The following GMCL1 variants were observed in gnomAD, a reference collection of about 807,000 sequenced individuals.
GMCL1 encodes germ cell-less 1, spermatogenesis associated.
GMCL1 carries 54 observed loss-of-function variants against 75.5 expected under a neutral mutation model. The ratio of observed to expected loss-of-function variants is 0.71; its 90% CI spans 0.57 to 0.90. GMCL1 has a LOEUF of 0.90. Among genes scored for constraint, GMCL1 ranks in the 40% least tolerant of loss-of-function variants. The pLI is 0.00. For missense variants in GMCL1, 537 were observed against 622.7 expected, an observed-to-expected ratio of 0.86 and a Z score of 1.47; for synonymous variants, 210 against 209.6, an observed-to-expected ratio of 1.00 and a Z score of -0.02.
chr2:69,857,269 G>A (rs1675499940), intron 9 of GMCL1, among the ~76,000 whole-genome samples: 1 of 152,082 alleles, frequency 6.6e-6, no homozygotes, highest in Non-Finnish European at 1.5e-5. Flanking sequence ...TCAACTCTGT[G>A]TCCTTCACTT....
intron 2 of GMCL1, among the ~76,000 whole-genome samples, 184 bp downstream of exon 2, chr2:69,837,854 A>C (rs1441318515): frequency 1.3e-5 from 2 of 152,156 alleles, no homozygotes; most frequent in Admixed American, 6.5e-5. Flanking sequence ...CTAGAAAGAG[A>C]TTTTGATATT....
At chr2:69,861,577 A>C (rs1675648801) in intron 10 of GMCL1, among the ~76,000 whole-genome samples, 1 of 152,224 alleles carries the variant, frequency 6.6e-6, no homozygotes, top group African/African-American at 2.4e-5. Flanking sequence ...CTTTATTAGT[A>C]AAATTGAACA....
At chr2:69,848,028 G>T (rs187524827) in intron 7 of GMCL1, among the ~76,000 whole-genome samples, 5 of 152,098 alleles carry the variant, frequency 3.3e-5, no homozygotes, top group African/African-American at 1.2e-4. Context: ...AGGCCTGTTT[G>T]TGTGTCTGGC....
intron 9 of GMCL1, among the ~76,000 whole-genome samples, chr2:69,857,774 T>A (rs1436170075): frequency 6.6e-6 from 1 of 152,204 alleles, no homozygotes; most frequent in Non-Finnish European, 1.5e-5. Flanking sequence ...AATTTATGTG[T>A]TTCATAAGTT....
intron 4 of GMCL1, among the ~76,000 whole-genome samples, chr2:69,841,581 A>G (rs1480608991): frequency 6.6e-6 from 1 of 152,220 alleles, no homozygotes; most frequent in Non-Finnish European, 1.5e-5. Context: ...CTTACTTTCA[A>G]AAAGTTCACA....
At chr2:69,839,779 T>A (rs903241924) in intron 3 of GMCL1, among the ~76,000 whole-genome samples, 3 of 152,114 alleles carry the variant, frequency 2.0e-5, no homozygotes, top group Non-Finnish European at 2.9e-5. Context: ...CTTATCTTTG[T>A]AAATATGCCC....
chr2:69,830,011 G>C lies in GMCL1; in HGVS notation c.119G>C (p.Gly40Ala), dbSNP rs1295082348. 6.4e-6 allele frequency: 10 copies of C among 1,565,852 alleles called. No homozygotes were observed. Among genetic ancestry groups the C allele is most frequent in the Non-Finnish European group, 8.7e-6 (10 of 1,155,280 alleles). ...CCGGACACTGGAGACGATGCGGCGG[G>C]CCACGGATTCTGTTACTGTGCGGGC... ...RRPDTGDDAAGHGFCYCAGSH... is the reference protein window; with the variant it reads ...RRPDTGDDAAAHGFCYCAGSH... Residue 40 changes from glycine (G) to alanine (A), a missense_variant, in exon 1 of 14, where the codon GGC becomes GCC. Gly to Ala is a moderately conservative substitution (Grantham distance 60, BLOSUM62 0). This residue lies in a region of GMCL1 where 144 missense variants were observed against 127.2 expected (regional missense o/e 1.13). Transcript: ENST00000282570.
intron 13 of GMCL1, among the ~76,000 whole-genome samples, chr2:69,877,705 T>TG (rs1491104253): frequency 5.1e-5 from 4 of 78,454 alleles, no homozygotes; most frequent in African/African-American, 2.0e-4. Flanking sequence ...AGATTGTGTG[T>TG]TTGTGTGTGT....
At chr2:69,842,764 A>G (rs1675019927) in intron 4 of GMCL1, 1 of 155,180 alleles carries the variant, frequency 6.4e-6, no homozygotes, top group Admixed American at 6.5e-5. Context: ...GTCCCATCAC[A>G]TGGTTAACTG....
intron 9 of GMCL1, among the ~76,000 whole-genome samples, chr2:69,857,160 C>T (rs979992506): frequency 6.6e-6 from 1 of 152,110 alleles, no homozygotes; most frequent in African/African-American, 2.4e-5. Context: ...ATTTTAAGCC[C>T]TTCATTTTCT....
intron 9 of GMCL1, among the ~76,000 whole-genome samples, chr2:69,861,028 A>C (rs1036585078): frequency 4.6e-5 from 7 of 152,190 alleles, no homozygotes; most frequent in Non-Finnish European, 7.3e-5. Context: ...TTTTTAGTAG[A>C]GACGGGGTTT....
intron 8 of GMCL1, 112 bp from the exon 9 acceptor site, chr2:69,854,711 A>G: frequency 1.3e-6 from 1 of 780,884 alleles, no homozygotes; most frequent in South Asian, 2.1e-5. Flanking sequence ...CTTTAAAACT[A>G]GCTTATTTTG....
chr2:69,838,838 A>G (rs1307046859), intron 2 of GMCL1, among the ~76,000 whole-genome samples: 1 of 152,220 alleles, frequency 6.6e-6, no homozygotes, highest in African/African-American at 2.4e-5. Context: ...CCCCCTGAGG[A>G]CAGAAACAAT....
chr2:69,861,410 T>A, intron 10 of GMCL1, 63 bp downstream of exon 10: 1 of 984,494 alleles, frequency 1.0e-6, no homozygotes, highest in Non-Finnish European at 1.6e-6. Flanking sequence ...TTTAATGCAT[T>A]CATTATGTTG....
chr2:69,871,573 A>C (rs779356108), intron 12 of GMCL1, among the ~76,000 whole-genome samples, 172 bp from the exon 13 acceptor site: 5 of 152,250 alleles, frequency 3.3e-5, no homozygotes, highest in Admixed American at 6.5e-5. Flanking sequence ...GATATGTATA[A>C]TAGCACAGGC....
intron 9 of GMCL1, among the ~76,000 whole-genome samples, chr2:69,858,433 T>G (rs975032111): frequency 6.6e-6 from 1 of 152,234 alleles, no homozygotes; most frequent in African/African-American, 2.4e-5. Flanking sequence ...AGGCACTTTT[T>G]CAGAATCTTT....
chr2:69,829,712 G>C lies in GMCL1; in HGVS notation c.-181G>C, dbSNP rs1472872414. 1 of 678,618 alleles carries C rather than the reference G, an allele frequency of 1.5e-6. No homozygotes were observed. Among genetic ancestry groups the C allele is most frequent in the East Asian group, 3.0e-5 (1 of 33,010 alleles). 42.0% of individuals were successfully genotyped at this position (678,618 alleles called of 1,614,324 possible). A position where few individuals can be genotyped will look rare whatever the true frequency, so the allele number is the denominator to read the frequency against. On this transcript the variant is annotated 5_prime_UTR_variant, in exon 1 of 14. Coordinates refer to ENST00000282570, the MANE Select transcript of GMCL1 (RefSeq NM_178439.5). ...GTGCTGCGGTGCTAGAGCGCGGCGC[G>C]ACCGGACGCTGCGGGCGGGGAAGAG...
At chr2:69,858,051 AT>A (rs2104005133) in intron 9 of GMCL1, among the ~76,000 whole-genome samples, 1 of 152,310 alleles carries the variant, frequency 6.6e-6, no homozygotes, top group East Asian at 1.9e-4. Context: ...AATGTATCTC[AT>A]TTATTCCATT....
At chr2:69,856,640 CTT>C (rs34707640) in intron 9 of GMCL1, among the ~76,000 whole-genome samples, 22,383 of 89,322 alleles carry the variant, frequency 0.25, 3,283 homozygotes, top group Admixed American at 0.44. Context: ...CTCTTCCCTC[CTT>C]TTTTTTTTTT....
Sources: allele counts gnomAD v4.1 joint callset (sites outside exome capture counted in the v4.1 genomes callset), GRCh38; gene constraint gnomAD v4.1.1; regional missense constraint gnomAD v4.1.1; transcripts MANE v1.5; gene names NCBI Gene and HGNC (gene_info 2026-07-23, HGNC 2026-07-21).